The following ERC1 variants were observed in gnomAD, a reference collection of about 807,000 sequenced individuals.
The protein encoded by ERC1 is RAB6 interacting protein 2.
In ERC1, 56 loss-of-function variants were observed where a neutral mutation model predicts 132.0. The observed-to-expected ratio is 0.42, with a 90% CI of 0.34 to 0.53. ERC1 has a LOEUF of 0.53. ERC1 is among the 20% of genes least tolerant of loss of function. The pLI is 0.03. For missense variants in ERC1, 1,202 were observed against 1,349.9 expected (o/e 0.89, Z 1.72); for synonymous variants, 478 against 476.1 (o/e 1.00, Z -0.05).
intron 12 of ERC1, among the ~76,000 whole-genome samples, chr12:1,197,911 G>T (rs971276656): frequency 2.7e-5 from 4 of 150,908 alleles, no homozygotes; most frequent in East Asian, 1.9e-4. Context: ...TATTTTTTTT[G>T]TTTTGTTTTG....
At chr12:1,222,631 C>G (rs2154296023) in intron 12 of ERC1, among the ~76,000 whole-genome samples, 1 of 152,276 alleles carries the variant, frequency 6.6e-6, no homozygotes, top group South Asian at 2.1e-4. Context: ...CTAGCTTAAG[C>G]TTCTCTTCTT....
At chr12:1,066,101 C>T (rs141612697) in intron 2 of ERC1, among the ~76,000 whole-genome samples, 1,975 of 152,164 alleles carry the variant, frequency 0.013, 19 homozygotes, top group Middle Eastern at 0.054. Flanking sequence ...GCAGTCATTG[C>T]GGAACACTGT....
intron 1 of ERC1, among the ~76,000 whole-genome samples, chr12:995,255 A>T (rs1960590121): frequency 6.6e-6 from 1 of 152,092 alleles, no homozygotes; most frequent in East Asian, 1.9e-4. Context: ...AGGGAAGGCT[A>T]TCTCAAATAA....
chr12:1,284,274 GTGT>G (rs1252342395), intron 14 of ERC1, among the ~76,000 whole-genome samples: 1 of 117,510 alleles, frequency 8.5e-6, no homozygotes, highest in African/African-American at 4.0e-5. Flanking sequence ...TCGTGTGTGT[GTGT>G]GTGTGTGTGT....
intron 17 of ERC1, among the ~76,000 whole-genome samples, chr12:1,418,659 CTCTT>C (rs2092281403): frequency 3.6e-5 from 4 of 110,886 alleles, no homozygotes; most frequent in South Asian, 2.7e-4. Flanking sequence ...CTCTCTCTCT[CTCTT>C]TCTTTTCTTT....
intron 2 of ERC1, among the ~76,000 whole-genome samples, chr12:1,045,683 T>A (rs1237279277): frequency 6.6e-6 from 1 of 152,184 alleles, no homozygotes; most frequent in Non-Finnish European, 1.5e-5. Context: ...CAAAGCCAAA[T>A]GTCATTGTGT....
At chr12:1,054,861 A>G (rs957788067) in intron 2 of ERC1, among the ~76,000 whole-genome samples, 1 of 152,192 alleles carries the variant, frequency 6.6e-6, no homozygotes, top group South Asian at 2.1e-4. Flanking sequence ...TAATGTTAAC[A>G]TGAAATATGT....
chr12:1,398,392 T>C (rs190308451), intron 16 of ERC1, among the ~76,000 whole-genome samples: 4 of 152,318 alleles, frequency 2.6e-5, no homozygotes, highest in African/African-American at 7.2e-5. Flanking sequence ...GTAATTATGT[T>C]ATTGTTAGGA....
At position 1,491,291 on chromosome 12, in the gene ERC1, G is replaced by T. The variant is rs1021968655; in HGVS notation, c.*1061G>T. The T allele has an allele frequency of 8.7e-6, 2 of 231,088 alleles. No homozygotes were observed. The highest frequency in any genetic ancestry group is 4.4e-5 in the African/African-American group (2 of 45,198). The allele number at this position is 231,088 out of a possible 1,614,324, so 14.3% of individuals were successfully genotyped here. ...ATCCCTCACTCACCCTGCTAGCTTTGCCCTTGACTCGTCTTCTCTGAACCT... is the reference window on the plus strand; with the variant it reads ...ATCCCTCACTCACCCTGCTAGCTTTTCCCTTGACTCGTCTTCTCTGAACCT... On this transcript the variant is annotated 3_prime_UTR_variant, in exon 19 of 19. Coordinates refer to ENST00000360905, the MANE Select transcript of ERC1 (RefSeq NM_178040.4).
intron 14 of ERC1, among the ~76,000 whole-genome samples, chr12:1,285,196 C>G (rs778741125): frequency 2.0e-5 from 3 of 152,024 alleles, no homozygotes; most frequent in Non-Finnish European, 4.4e-5. Flanking sequence ...GCATTTATAT[C>G]TTGGCAAAAA....
At chr12:1,338,926 G>C (rs2083544774) in intron 15 of ERC1, among the ~76,000 whole-genome samples, 1 of 152,164 alleles carries the variant, frequency 6.6e-6, no homozygotes, top group South Asian at 2.1e-4. Flanking sequence ...TGTGCTGGTG[G>C]GGCCGAAGTG....
At chr12:1,118,331 C>T (rs1267650877) in intron 7 of ERC1, among the ~76,000 whole-genome samples, 1 of 152,142 alleles carries the variant, frequency 6.6e-6, no homozygotes, top group Non-Finnish European at 1.5e-5. Flanking sequence ...ACTTTTCCCC[C>T]TTGGCAATCC....
chr12:1,199,420 T>C (rs1473308538), intron 12 of ERC1, among the ~76,000 whole-genome samples: 2 of 152,210 alleles, frequency 1.3e-5, no homozygotes, highest in Admixed American at 1.3e-4. Context: ...TGTGTATTTA[T>C]AGTATTGTTT....
intron 11 of ERC1, 124 bp downstream of exon 11, chr12:1,183,545 T>A: frequency 2.0e-6 from 1 of 511,796 alleles, no homozygotes; most frequent in Admixed American, 3.7e-5. Flanking sequence ...TAAAATACCA[T>A]GTATATCTGA....
intron 5 of ERC1, among the ~76,000 whole-genome samples, chr12:1,110,609 C>T (rs1219724915): frequency 6.6e-6 from 1 of 152,174 alleles, no homozygotes; most frequent in Non-Finnish European, 1.5e-5. Context: ...TTTAAGTTTT[C>T]ATATCTATTA....
intron 15 of ERC1, among the ~76,000 whole-genome samples, chr12:1,318,111 TA>T (rs1263183720): frequency 2.0e-5 from 3 of 152,260 alleles, no homozygotes; most frequent in African/African-American, 7.2e-5. Flanking sequence ...CATGATGTGA[TA>T]TCTATTTTAA....
chr12:1,094,702 G>T (rs1371919334), intron 3 of ERC1, among the ~76,000 whole-genome samples: 2 of 152,130 alleles, frequency 1.3e-5, no homozygotes, highest in Admixed American at 1.3e-4. Context: ...GAGCCACCGT[G>T]CCTGGCCCTT....
intron 16 of ERC1, among the ~76,000 whole-genome samples, chr12:1,383,964 C>G (rs1284730684): frequency 5.3e-5 from 8 of 152,006 alleles, no homozygotes; most frequent in African/African-American, 1.9e-4. Flanking sequence ...CCCTAAGTCC[C>G]GTAGCTCATA....
At chr12:1,084,088 T>C (rs1019623383) in intron 3 of ERC1, among the ~76,000 whole-genome samples, 3 of 152,242 alleles carry the variant, frequency 2.0e-5, no homozygotes, top group African/African-American at 7.2e-5. Context: ...ATAAAAATCA[T>C]TGGCTGCCAT....
Sources: gnomAD v4.1 joint callset for allele counts (sites outside exome capture counted in the v4.1 genomes callset) on GRCh38, gnomAD v4.1.1 for gene constraint, MANE v1.5 for transcripts, NCBI Gene and HGNC (gene_info 2026-07-23, HGNC 2026-07-21) for gene names.